Variants in ANAPC1 observed in about 807,000 individuals in gnomAD.
ANAPC1 encodes the protein anaphase promoting complex subunit 1, also known as anaphase-promoting complex subunit 1.
ANAPC1 carries 36 observed loss-of-function variants against 208.0 expected under a neutral mutation model. That is an observed-to-expected ratio of 0.17 (90% confidence interval 0.13 to 0.23). The LOEUF (loss-of-function observed/expected upper bound fraction) is 0.23. Ranked by LOEUF, ANAPC1 falls within the 10% of genes least tolerant of loss-of-function variation. The probability of loss-of-function intolerance (pLI) is 1.00; values close to 1 mark genes in which losing one functional copy is unlikely to be tolerated. For synonymous variants in ANAPC1, 378 were observed against 695.2 expected (o/e 0.54, Z 7.18); for missense variants, 942 against 2,011.6 (o/e 0.47, Z 10.17).
At chr2:111,807,446 C>T (rs1410989454) in intron 29 of ANAPC1, among the ~76,000 whole-genome samples, 1 of 152,152 alleles carries the variant, frequency 6.6e-6, no homozygotes, top group African/African-American at 2.4e-5. Context: ...AATCCCAGCA[C>T]TTTGGGAGGC....
intron 14 of ANAPC1, 28 bp downstream of exon 14, chr2:111,850,748 T>A: frequency 6.3e-7 from 1 of 1,593,830 alleles, no homozygotes; most frequent in African/African-American, 1.4e-5. Flanking sequence ...AATGTTAACT[T>A]TTTGGCAACA....
chr2:111,834,753 C>G lies in ANAPC1; in HGVS notation c.2235G>C (p.Gln745His). Residue 745 changes from glutamine to histidine, a missense_variant, in exon 19 of 48, where the codon CAG becomes CAC. Coordinates refer to ENST00000341068, the MANE Select transcript of ANAPC1 (RefSeq NM_022662.4). ...ASQMKDEDFSQNLSLDSSTLL... is the reference protein window; with the variant it reads ...ASQMKDEDFSHNLSLDSSTLL... ...GTGTAGAAGAATCCAGACTGAGATT[C>G]TGTGAAAAATCCTCATCCTTCATCT... 5 of 1,613,408 alleles carry G rather than the reference C, an allele frequency of 3.1e-6. No individual in the cohort carries two copies. The highest frequency in any genetic ancestry group is 4.2e-6 in the Non-Finnish European group (5 of 1,179,736).
At chr2:111,779,222 G>A (rs1474349433) in intron 44 of ANAPC1, 1 of 151,358 alleles carries the variant, frequency 6.6e-6, no homozygotes, top group South Asian at 2.1e-4. Context: ...GCACAGCCCA[G>A]CTCTTACTAG....
At chr2:111,827,265 CAA>C (rs780349227) in intron 21 of ANAPC1, among the ~76,000 whole-genome samples, 25 of 152,260 alleles carry the variant, frequency 1.6e-4, no homozygotes, top group Non-Finnish European at 2.5e-4. Context: ...AAAAGTCTCT[CAA>C]AAGAGTTAAA....
At chr2:111,871,580 A>G (rs187216602) in intron 6 of ANAPC1, among the ~76,000 whole-genome samples, 1 of 152,112 alleles carries the variant, frequency 6.6e-6, no homozygotes, top group Non-Finnish European at 1.5e-5. Context: ...GAGAAACCCC[A>G]TCTCTACTAA....
chr2:111,810,737 C>T (rs910634320), intron 28 of ANAPC1, among the ~76,000 whole-genome samples: 32 of 147,548 alleles, frequency 2.2e-4, no homozygotes, highest in Admixed American at 1.0e-3. Context: ...ACAAAAATTA[C>T]GCAGGTGTGG....
intron 1 of ANAPC1, among the ~76,000 whole-genome samples, chr2:111,882,664 G>T (rs544272353): frequency 1.7e-4 from 25 of 150,834 alleles, no homozygotes; most frequent in Non-Finnish European, 2.8e-4. Context: ...TTCAACCTGG[G>T]AGGCAGAGGT....
At chr2:111,825,946 A>G in intron 21 of ANAPC1, 91 bp from the exon 22 acceptor site, 2 of 1,194,884 alleles carry the variant, frequency 1.7e-6, no homozygotes, top group Non-Finnish European at 2.4e-6. Context: ...ACACAATCAC[A>G]GCTCACTGCA....
intron 34 of ANAPC1, among the ~76,000 whole-genome samples, chr2:111,799,081 T>TA (rs997705045): frequency 6.6e-6 from 1 of 150,840 alleles, no homozygotes; most frequent in Non-Finnish European, 1.5e-5. Flanking sequence ...TAGAATGCAT[T>TA]AAAAAAACTC....
At chr2:111,874,521 C>A (rs1193256456) in intron 3 of ANAPC1, among the ~76,000 whole-genome samples, 9 of 151,522 alleles carry the variant, frequency 5.9e-5, no homozygotes, top group Non-Finnish European at 1.3e-4. Flanking sequence ...TGAAACTGTA[C>A]ATTTGTCCTT....
intron 17 of ANAPC1, 28 bp downstream of exon 17, chr2:111,843,384 C>T (rs377258808): frequency 6.2e-7 from 1 of 1,609,888 alleles, no homozygotes; most frequent in Non-Finnish European, 8.5e-7. Flanking sequence ...CAGAATAACT[C>T]ATAAAGAAAA....
chr2:111,850,169 A>G (rs1238372429), intron 14 of ANAPC1, among the ~76,000 whole-genome samples: 2 of 151,780 alleles, frequency 1.3e-5, no homozygotes, highest in Non-Finnish European at 2.9e-5. Flanking sequence ...CCTACAGACT[A>G]CTTGTACTTT....
intron 1 of ANAPC1, among the ~76,000 whole-genome samples, chr2:111,882,257 A>G (rs1002468520): frequency 3.3e-5 from 5 of 151,576 alleles, no homozygotes; most frequent in Admixed American, 2.0e-4. Context: ...AAGTTTCCTC[A>G]GTCTCCTAGT....
intron 8 of ANAPC1, 52 bp from the exon 9 acceptor site, chr2:111,863,947 TA>T (rs994528100): frequency 6.6e-7 from 1 of 1,510,500 alleles, no homozygotes; most frequent in African/African-American, 1.4e-5. Context: ...ATAATTAGAA[TA>T]AAGTAGCAAT....
chr2:111,830,903 A>G (rs1016497142), intron 21 of ANAPC1, among the ~76,000 whole-genome samples: 1 of 152,270 alleles, frequency 6.6e-6, no homozygotes, highest in Non-Finnish European at 1.5e-5. Context: ...CCTGTCCTAG[A>G]GAAAGCAAAA....
chr2:111,825,541 T>C (rs1679787082), intron 22 of ANAPC1, among the ~76,000 whole-genome samples: 1 of 152,222 alleles, frequency 6.6e-6, no homozygotes, highest in Non-Finnish European at 1.5e-5. Flanking sequence ...TACAATAATT[T>C]CCTTCAGGCT....
rs892380231 is a variant in ANAPC1, at chr2:111,857,985, T to C, written c.1358+321A>G. ...TACATACATTATATATATATAAATG[T>C]CCAGAAAAATTAATCTATAAAGGCA... On this transcript the variant is annotated intron_variant, in intron 11 of 47. Transcript: ENST00000341068. Among the ~76,000 whole-genome samples, 9 of 151,946 alleles carry C rather than the reference T, an allele frequency of 5.9e-5. 1 individual carries two copies. The highest frequency in any genetic ancestry group is 1.7e-4 in the African/African-American group (7 of 41,370).
In ANAPC1 at chr2:111,831,266, G is replaced by A; in HGVS notation, c.2625+20C>T. On this transcript the variant is annotated intron_variant, in intron 21 of 47. Coordinates refer to ENST00000341068, the MANE Select transcript of ANAPC1 (RefSeq NM_022662.4). ...TTTTAAAAGAAAAAGGAGATAGGTA[G>A]TAACACTCCACATACATACCAAGAC... 1.3e-6 allele frequency: 2 copies of A among 1,570,690 alleles called. No homozygotes were observed. The highest frequency in any genetic ancestry group is 2.4e-5 in the South Asian group (2 of 83,894).
At chr2:111,869,168 A>G (rs561583064) in intron 6 of ANAPC1, among the ~76,000 whole-genome samples, 13 of 152,364 alleles carry the variant, frequency 8.5e-5, no homozygotes, top group Admixed American at 4.6e-4. Context: ...ACGCGTAAGG[A>G]AACTATAGCT....
Sources: gnomAD v4.1 joint callset for allele counts (sites outside exome capture counted in the v4.1 genomes callset) on GRCh38, gnomAD v4.1.1 for gene constraint, MANE v1.5 for transcripts, NCBI Gene and HGNC (gene_info 2026-07-23, HGNC 2026-07-21) for gene names.